The following PDZD8 variants were observed in gnomAD, a reference collection of about 807,000 sequenced individuals.
PDZD8 encodes the protein PDZ domain-containing protein 8.
In PDZD8, 14 loss-of-function variants were observed where a neutral mutation model predicts 85.8. The observed-to-expected ratio is 0.16, with a 90% confidence interval of 0.11 to 0.26. The LOEUF (loss-of-function observed/expected upper bound fraction) is 0.26, where lower values mean the gene tolerates loss of function less well. Ranked by LOEUF, PDZD8 falls within the 10% of genes least tolerant of loss-of-function variation. The pLI is 1.00. For missense variants in PDZD8, 1,197 were observed against 1,424.3 expected (o/e 0.84, Z 2.57); for synonymous variants, 592 against 568.6 (o/e 1.04, Z -0.59).
intron 1 of PDZD8, among the ~76,000 whole-genome samples, chr10:117,357,904 G>A (rs1296064160): frequency 6.1e-5 from 9 of 146,874 alleles, no homozygotes; most frequent in Admixed American, 4.9e-4. Context: ...TTTTATATCT[G>A]ATAAAAATAT....
chr10:117,362,235 T>C (rs1845012045), intron 1 of PDZD8, among the ~76,000 whole-genome samples: 2 of 152,194 alleles, frequency 1.3e-5, no homozygotes, highest in Non-Finnish European at 2.9e-5. Flanking sequence ...TATATCCTTA[T>C]TTGAGAGAAA....
intron 3 of PDZD8, among the ~76,000 whole-genome samples, chr10:117,300,259 T>C (rs1435157887): frequency 6.6e-6 from 1 of 152,148 alleles, no homozygotes; most frequent in Non-Finnish European, 1.5e-5. Flanking sequence ...AAATGCAATA[T>C]TTTTGTTTCG....
intron 2 of PDZD8, among the ~76,000 whole-genome samples, chr10:117,325,936 T>A (rs1304518466): frequency 6.6e-6 from 1 of 152,118 alleles, no homozygotes; most frequent in South Asian, 2.1e-4. Flanking sequence ...GTTTCCCCCA[T>A]GCTGTTCTTG....
At chr10:117,311,736 G>A (rs1352945825) in intron 3 of PDZD8, among the ~76,000 whole-genome samples, 1 of 151,974 alleles carries the variant, frequency 6.6e-6, no homozygotes, top group Admixed American at 6.6e-5. Context: ...GCTACTTGGT[G>A]ACAGAAGAAC....
chr10:117,337,239 A>G (rs1248181704), intron 2 of PDZD8, among the ~76,000 whole-genome samples: 1 of 152,158 alleles, frequency 6.6e-6, no homozygotes, highest in Non-Finnish European at 1.5e-5. Flanking sequence ...AATATCTCAA[A>G]TATCTTCTAT....
At chr10:117,350,903 A>G (rs931501689) in intron 1 of PDZD8, among the ~76,000 whole-genome samples, 5 of 151,844 alleles carry the variant, frequency 3.3e-5, no homozygotes, top group African/African-American at 1.2e-4. Flanking sequence ...AAAAAAAAAA[A>G]AAAGAAATAT....
intron 3 of PDZD8, among the ~76,000 whole-genome samples, chr10:117,305,782 G>A (rs1843932981): frequency 1.3e-5 from 2 of 152,150 alleles, no homozygotes; most frequent in African/African-American, 4.8e-5. Context: ...AGAAGCTGCT[G>A]AAGTCAGCCT....
intron 3 of PDZD8, among the ~76,000 whole-genome samples, chr10:117,302,471 C>G (rs1368370293): frequency 6.6e-6 from 1 of 152,276 alleles, no homozygotes. Context: ...TCCCACAGAA[C>G]TTTTCAAAAG....
chr10:117,300,062 A>AC (rs71013657), intron 3 of PDZD8, among the ~76,000 whole-genome samples: 47 of 150,546 alleles, frequency 3.1e-4, no homozygotes, highest in South Asian at 6.3e-4. Flanking sequence ...TATATGAGAA[A>AC]CCCCCCCCAT....
chr10:117,354,093 T>C (rs949631869), intron 1 of PDZD8, among the ~76,000 whole-genome samples: 3 of 152,228 alleles, frequency 2.0e-5, no homozygotes, highest in African/African-American at 7.2e-5. Context: ...CAATTAGTTC[T>C]ATCCCCATTC....
In PDZD8 at chr10:117,284,744, T is replaced by C; in HGVS notation, c.1989A>G (p.Ser663=). 1.2e-6 allele frequency: 2 copies of C among 1,614,272 alleles called. No individual in the cohort carries two copies. Among genetic ancestry groups the C allele is most frequent in the Non-Finnish European group, 8.5e-7 (1 of 1,180,042 alleles). ...AKQEVAKDVT[S]ETSCPTKDSS... ...TGTCCTTAGTAGGGCAGGAAGTTTCTGAAGTGACATCTTTGGCCACTTCTT... is the reference window on the plus strand; with the variant it reads ...TGTCCTTAGTAGGGCAGGAAGTTTCCGAAGTGACATCTTTGGCCACTTCTT... Residue 663 remains serine (S), a synonymous_variant, in exon 5 of 5, where the codon TCA becomes TCG. Transcript: ENST00000334464.
intron 1 of PDZD8, among the ~76,000 whole-genome samples, chr10:117,362,967 T>C (rs1218066902): frequency 6.6e-6 from 1 of 152,064 alleles, no homozygotes; most frequent in Non-Finnish European, 1.5e-5. Context: ...GAATTAAACA[T>C]TAAGAACTAA....
rs140239848 is a variant in PDZD8, at chr10:117,328,754, A to G, written c.996-9780T>C. Reference sequence around the variant, plus strand: ...AATGCCCAGTGGGAGTTTTCATTCTATTTGCAGAACAGAAGCTGTCTTAAT... The same window carrying G: ...AATGCCCAGTGGGAGTTTTCATTCTGTTTGCAGAACAGAAGCTGTCTTAAT... On this transcript the variant is annotated intron_variant, in intron 2 of 4. Transcript: ENST00000334464. 3.9e-3 allele frequency among the ~76,000 whole-genome samples: 600 copies of G among 151,974 alleles called. 5 individuals are homozygous for G. The highest frequency in any genetic ancestry group is 0.014 in the African/African-American group (566 of 41,428).
chr10:117,291,312 G>C (rs1023681285), intron 3 of PDZD8, among the ~76,000 whole-genome samples: 2 of 151,788 alleles, frequency 1.3e-5, no homozygotes, highest in Non-Finnish European at 2.9e-5. Context: ...GGGCGGATCA[G>C]GAGGTCAGGA....
At chr10:117,324,674 T>C (rs995914627) in intron 2 of PDZD8, among the ~76,000 whole-genome samples, 1 of 152,216 alleles carries the variant, frequency 6.6e-6, no homozygotes, top group Non-Finnish European at 1.5e-5. Context: ...AAGAAACTGA[T>C]GGCTTCATGA....
At chr10:117,355,909 T>C (rs1844885565) in intron 1 of PDZD8, among the ~76,000 whole-genome samples, 1 of 152,216 alleles carries the variant, frequency 6.6e-6, no homozygotes, top group Non-Finnish European at 1.5e-5. Context: ...CTAGAAGAAA[T>C]ACCATTAAGG....
At chr10:117,371,485 C>T (rs7088401) in intron 1 of PDZD8, among the ~76,000 whole-genome samples, 35,145 of 152,116 alleles carry the variant, frequency 0.23, 4,727 homozygotes, top group East Asian at 0.44. Context: ...GCACCTGGCC[C>T]ATCACCAGTT....
At chr10:117,334,603 C>A (rs1354304668) in intron 2 of PDZD8, among the ~76,000 whole-genome samples, 1 of 151,368 alleles carries the variant, frequency 6.6e-6, no homozygotes, top group Non-Finnish European at 1.5e-5. Context: ...ATATATGGCT[C>A]AAAAAACTGA....
intron 1 of PDZD8, among the ~76,000 whole-genome samples, chr10:117,343,301 C>T (rs146950910): frequency 1.6e-4 from 24 of 152,240 alleles, no homozygotes; most frequent in African/African-American, 5.8e-4. Context: ...GGGACACAGG[C>T]GATGCTCAGT....
Sources: gnomAD v4.1 joint callset for allele counts (sites outside exome capture counted in the v4.1 genomes callset) on GRCh38, gnomAD v4.1.1 for gene constraint, MANE v1.5 for transcripts, NCBI Gene and HGNC (gene_info 2026-07-23, HGNC 2026-07-21) for gene names.